Variants in VGLL4 observed in about 807,000 individuals in gnomAD.
VGLL4 encodes the protein vestigial like family member 4, also known as transcription cofactor vestigial-like protein 4.
Under a neutral mutation model 21.0 loss-of-function variants are expected in VGLL4, and 7 were observed. The observed-to-expected ratio is 0.33, with a 90% CI of 0.19 to 0.63. The LOEUF is 0.63. VGLL4 is among the 20% of genes least tolerant of loss of function. The pLI, the probability that VGLL4 is intolerant of heterozygous loss-of-function variation, is 0.78. For missense variants in VGLL4, 394 were observed against 425.7 expected (o/e 0.93, Z 0.66); for synonymous variants, 222 against 173.2 (o/e 1.28, Z -2.21).
chr3:11,579,832 G>A lies in VGLL4; in HGVS notation c.273-14813C>T, dbSNP rs536535698. The stretch of plus-strand genomic sequence containing the variant: ...AATTACCACCCCCGGTGGTCATCAC[G>A]CATCACATCTGTCGATTATTAGGCA... On this transcript the variant is annotated intron_variant, in intron 2 of 4. Transcript: ENST00000430365. Among the ~76,000 whole-genome samples the A allele has an allele frequency of 1.2e-4, 18 of 151,954 alleles. No individual in the cohort carries two copies. The East Asian group carries it at 3.3e-3, about 28-fold the overall frequency.
At chr3:11,623,721 T>C (rs2075305403) in intron 1 of VGLL4, among the ~76,000 whole-genome samples, 1 of 151,522 alleles carries the variant, frequency 6.6e-6, no homozygotes, top group African/African-American at 2.4e-5. Context: ...TGGTTCTCAG[T>C]TTAATTTCAC....
At chr3:11,606,638 G>C (rs2074947949) in intron 1 of VGLL4, among the ~76,000 whole-genome samples, 1 of 152,128 alleles carries the variant, frequency 6.6e-6, no homozygotes, top group African/African-American at 2.4e-5. Flanking sequence ...TGGCTAGCTA[G>C]AAGTTTGTAA....
At chr3:11,630,603 G>A (rs574573280) in intron 1 of VGLL4, among the ~76,000 whole-genome samples, 67 of 152,122 alleles carry the variant, frequency 4.4e-4, no homozygotes, top group Middle Eastern at 3.4e-3. Context: ...CCAAGATCAC[G>A]CCACTACACT....
Position 11,556,927 on chromosome 3 carries a change from G to A in VGLL4, c.*1629C>T, listed in dbSNP as rs1575329687. ...CTTTTCAAAGGCCTGCAGCCACTCT[G>A]TGACTACAAGAGCCAGTCCTCCGAC... On this transcript the variant is annotated 3_prime_UTR_variant, in exon 5 of 5. Coordinates refer to ENST00000430365, the MANE Select transcript of VGLL4 (RefSeq NM_001128219.3). The A allele has an allele frequency of 1.3e-5, 2 of 152,750 alleles. No individual in the cohort carries two copies. Among genetic ancestry groups the A allele is most frequent in the Non-Finnish European group, 2.9e-5 (2 of 68,052 alleles). The allele number at this position is 152,750 out of a possible 1,614,324, so 9.5% of individuals were successfully genotyped here. A position where few individuals can be genotyped will look rare whatever the true frequency, so the allele number is the denominator to read the frequency against.
chr3:11,596,636 T>C (rs899845079), intron 2 of VGLL4, among the ~76,000 whole-genome samples: 1 of 152,220 alleles, frequency 6.6e-6, no homozygotes. Context: ...CACTGTTCAA[T>C]AGAACTTCTT....
upstream of VGLL4, among the ~76,000 whole-genome samples, chr3:11,644,566 A>T (rs1362384768): frequency 2.0e-5 from 3 of 152,202 alleles, no homozygotes; most frequent in African/African-American, 7.2e-5. Context: ...TTTATTTAAA[A>T]AAACGAGGGG....
At chr3:11,595,046 A>G (rs1043629847) in intron 2 of VGLL4, among the ~76,000 whole-genome samples, 13 of 152,172 alleles carry the variant, frequency 8.5e-5, no homozygotes, top group African/African-American at 2.9e-4. Context: ...CTATAATCCT[A>G]GCTACTCGGG....
chr3:11,654,314 A>G (rs1457313927), intron 2 of VGLL4, among the ~76,000 whole-genome samples: 1 of 152,216 alleles, frequency 6.6e-6, no homozygotes, highest in African/African-American at 2.4e-5. Flanking sequence ...TCCATGGCAC[A>G]GTGCATATCT....
chr3:11,674,582 A>T (rs1203217104), intron 2 of VGLL4, among the ~76,000 whole-genome samples: 1 of 152,180 alleles, frequency 6.6e-6, no homozygotes, highest in African/African-American at 2.4e-5. Context: ...TGAAAATTCA[A>T]ACCCAGGCCT....
chr3:11,716,889 G>T (rs561211379), intron 1 of VGLL4, among the ~76,000 whole-genome samples: 1 of 152,092 alleles, frequency 6.6e-6, no homozygotes, highest in African/African-American at 2.4e-5. Flanking sequence ...CCCACCCATA[G>T]CTTCATTAAC....
intron 2 of VGLL4, among the ~76,000 whole-genome samples, chr3:11,660,651 G>A (rs2076024462): frequency 6.6e-6 from 1 of 152,032 alleles, no homozygotes; most frequent in Non-Finnish European, 1.5e-5. Flanking sequence ...ATCCCAGTAT[G>A]GTGGGGTTTC....
chr3:11,658,132 G>T (rs914475917), intron 2 of VGLL4, among the ~76,000 whole-genome samples: 1 of 152,038 alleles, frequency 6.6e-6, no homozygotes, highest in Non-Finnish European at 1.5e-5. Flanking sequence ...ATTGTGTCTG[G>T]CCACGTTGCC....
In VGLL4 at chr3:11,602,007, C is replaced by A; in HGVS notation, c.98G>T (p.Arg33Met). Reference protein sequence around the residue: ...ILCYEGEAALRGEPRIQTLPV... With the variant: ...ILCYEGEAALMGEPRIQTLPV... ...CAGGGTCTGTATTCTGGGTTCTCCC[C>A]TGAGAGCAGCTTCGCCTACGCAGAG... The change falls in exon 2 of 5, where the codon AGG becomes ATG. Residue 33 changes from arginine (R) to methionine (M), a missense_variant. Arg to Met is a moderately conservative substitution (Grantham distance 91, BLOSUM62 -1). Coordinates refer to ENST00000430365, the MANE Select transcript of VGLL4 (RefSeq NM_001128219.3). The A allele has an allele frequency of 3.2e-6, 5 of 1,572,306 alleles. No homozygotes were observed. The highest frequency in any genetic ancestry group is 4.3e-6 in the Non-Finnish European group (5 of 1,163,832).
intron 2 of VGLL4, among the ~76,000 whole-genome samples, chr3:11,669,846 A>G (rs1034724029): frequency 6.6e-6 from 1 of 152,064 alleles, no homozygotes; most frequent in African/African-American, 2.4e-5. Context: ...ATGTACTGCT[A>G]ATTTTTTAAT....
At chr3:11,561,107 G>T (rs1003135828) in intron 3 of VGLL4, among the ~76,000 whole-genome samples, 7 of 150,402 alleles carry the variant, frequency 4.7e-5, no homozygotes, top group African/African-American at 1.7e-4. Context: ...CTGCACCCAT[G>T]ACCTTGGGCT....
In VGLL4 at chr3:11,620,368, C is replaced by T. The variant is rs376065255; in HGVS notation, c.83-18346G>A. Among the ~76,000 whole-genome samples the T allele has an allele frequency of 9.4e-4, 143 of 152,224 alleles. 1 individual carries two copies. Among genetic ancestry groups the T allele is most frequent in the Middle Eastern group, 3.4e-3 (1 of 294 alleles). ...CCCAGTGAACAAAATCCTGCAAGGT[C>T]GGCACAGCCTGAGGGGGCAACAGCA... On this transcript the variant is annotated intron_variant, in intron 1 of 4. Transcript: ENST00000430365.
chr3:11,587,422 G>A (rs2074386891), intron 2 of VGLL4, among the ~76,000 whole-genome samples: 1 of 152,192 alleles, frequency 6.6e-6, no homozygotes, highest in Non-Finnish European at 1.5e-5. Context: ...AAAAGCCAAC[G>A]GCCTAAGACA....
At chr3:11,607,851 AAC>A (rs1309752103) in intron 1 of VGLL4, among the ~76,000 whole-genome samples, 7 of 152,224 alleles carry the variant, frequency 4.6e-5, no homozygotes, top group Admixed American at 1.3e-4. Flanking sequence ...AAATCAGTGA[AAC>A]ACTTGAGGTG....
At chr3:11,682,014 C>T (rs972097609) in intron 2 of VGLL4, among the ~76,000 whole-genome samples, 2 of 152,176 alleles carry the variant, frequency 1.3e-5, no homozygotes, top group Non-Finnish European at 2.9e-5. Flanking sequence ...AATCCCAGCA[C>T]TTTGGGAGGC....
Sources: allele counts gnomAD v4.1 joint callset (sites outside exome capture counted in the v4.1 genomes callset), GRCh38; gene constraint gnomAD v4.1.1; transcripts MANE v1.5; gene names NCBI Gene and HGNC (gene_info 2026-07-23, HGNC 2026-07-21).